Variants in PGGT1B observed in about 807,000 individuals in gnomAD.
PGGT1B encodes the protein geranylgeranyl transferase type-1 subunit beta.
In PGGT1B, 30 loss-of-function variants were observed where a neutral mutation model predicts 46.1. That is an observed-to-expected ratio of 0.65 (90% CI 0.49 to 0.88). The LOEUF is 0.88. PGGT1B is among the 40% of genes least tolerant of loss of function. The pLI is 0.00. For synonymous variants in PGGT1B, 170 were observed against 160.0 expected (o/e 1.06, Z -0.47); for missense variants, 376 against 455.9 (o/e 0.82, Z 1.60).
At chr5:115,262,326 G>T (rs534596536) in intron 1 of PGGT1B, among the ~76,000 whole-genome samples, 32 of 152,158 alleles carry the variant, frequency 2.1e-4, no homozygotes, top group Non-Finnish European at 2.6e-4. Flanking sequence ...AAGAGTTAAT[G>T]ACTTTAGAGA....
intron 3 of PGGT1B, 35 bp from the exon 4 acceptor site, chr5:115,238,044 A>G (rs770096116): frequency 2.8e-6 from 4 of 1,451,402 alleles, no homozygotes; most frequent in Non-Finnish European, 3.8e-6. Context: ...TAATTAATGA[A>G]GTGAAATGAA....
At chr5:115,212,631 C>T in intron 8 of PGGT1B, 48 bp from the exon 9 acceptor site, 18 of 1,289,492 alleles carry the variant, frequency 1.4e-5, no homozygotes, top group Non-Finnish European at 1.8e-5. Flanking sequence ...CTTACTTGTA[C>T]ATTCTACAGA....
chr5:115,235,309 T>C (rs1213355455), intron 5 of PGGT1B, among the ~76,000 whole-genome samples: 1 of 152,026 alleles, frequency 6.6e-6, no homozygotes, highest in African/African-American at 2.4e-5. Context: ...AGAGAAAGTT[T>C]TTTTCAAACA....
At chr5:115,260,965 G>C (rs1466068786) in intron 1 of PGGT1B, among the ~76,000 whole-genome samples, 1 of 152,314 alleles carries the variant, frequency 6.6e-6, no homozygotes, top group Middle Eastern at 3.4e-3. Flanking sequence ...CAGACTTATA[G>C]TGATAGCTGC....
intron 7 of PGGT1B, among the ~76,000 whole-genome samples, chr5:115,218,729 T>C (rs1217167152): frequency 6.6e-6 from 1 of 151,792 alleles, no homozygotes; most frequent in Admixed American, 6.6e-5. Flanking sequence ...AACCTCTTAA[T>C]GCCATAATTG....
chr5:115,212,802 A>G (rs1256672056), intron 8 of PGGT1B, among the ~76,000 whole-genome samples: 1 of 152,168 alleles, frequency 6.6e-6, no homozygotes, highest in African/African-American at 2.4e-5. Flanking sequence ...TGAAAATATC[A>G]TTAACAAAGG....
chr5:115,258,752 A>C (rs1748428359), intron 1 of PGGT1B, among the ~76,000 whole-genome samples: 1 of 152,234 alleles, frequency 6.6e-6, no homozygotes, highest in East Asian at 1.9e-4. Context: ...AGGTACTTCC[A>C]GAATGCCCTC....
intron 3 of PGGT1B, among the ~76,000 whole-genome samples, chr5:115,240,299 G>C (rs1023153637): frequency 1.2e-4 from 19 of 152,108 alleles, no homozygotes; most frequent in African/African-American, 4.1e-4. Context: ...GCAGGCGTTG[G>C]TTGGGGGAAG....
chr5:115,250,252 C>A (rs977801553), intron 2 of PGGT1B, among the ~76,000 whole-genome samples: 6 of 152,058 alleles, frequency 3.9e-5, no homozygotes, highest in African/African-American at 1.4e-4. Flanking sequence ...CTATGAGTTG[C>A]AGAAAGCATA....
intron 3 of PGGT1B, among the ~76,000 whole-genome samples, chr5:115,239,521 T>G (rs76094074): frequency 0.011 from 1,660 of 152,318 alleles, 30 homozygotes; most frequent in African/African-American, 0.038. Flanking sequence ...ATACTTAAAG[T>G]AAATACCTGC....
rs752755508 is a variant in PGGT1B, at chr5:115,206,727, T to C, written c.*5675A>G. 6.6e-6 allele frequency: 1 copy of C among 152,036 alleles called. No homozygotes were observed. Among genetic ancestry groups the C allele is most frequent in the Non-Finnish European group, 1.5e-5 (1 of 67,946 alleles). 9.4% of individuals were successfully genotyped at this position (152,036 alleles called of 1,614,324 possible). ...TCCTTGAAAATGTATCATTGCCTATTTGCATGTTTCTTTATGCTAAATCTA... is the reference window on the plus strand; with the variant it reads ...TCCTTGAAAATGTATCATTGCCTATCTGCATGTTTCTTTATGCTAAATCTA... On this transcript the variant is annotated 3_prime_UTR_variant, in exon 9 of 9. Transcript: ENST00000419445.
chr5:115,233,532 GA>G (rs1402003626), intron 5 of PGGT1B, among the ~76,000 whole-genome samples: 2 of 110,256 alleles, frequency 1.8e-5, no homozygotes, highest in Non-Finnish European at 2.0e-5. Context: ...TTCCTAAAAA[GA>G]AAAAAAAGAA....
At position 115,204,677 on chromosome 5, in the gene PGGT1B, C is replaced by T. The variant is rs1756014892; in HGVS notation, c.*7725G>A. Reference sequence around the variant, plus strand: ...GAATGGCTACACTGTTTCTGGATGGCAATTCTTGGCAGTAACTACCAATAT... The same window carrying T: ...GAATGGCTACACTGTTTCTGGATGGTAATTCTTGGCAGTAACTACCAATAT... On this transcript the variant is annotated 3_prime_UTR_variant, in exon 9 of 9. Transcript: ENST00000419445. The T allele has an allele frequency of 6.6e-6, 1 of 152,098 alleles. No individual in the cohort carries two copies. Among genetic ancestry groups the T allele is most frequent in the East Asian group, 1.9e-4 (1 of 5,200 alleles). 9.4% of individuals were successfully genotyped at this position (152,098 alleles called of 1,614,324 possible).
chr5:115,228,062 A>C (rs1210471254), intron 6 of PGGT1B, among the ~76,000 whole-genome samples: 1 of 152,202 alleles, frequency 6.6e-6, no homozygotes. Context: ...AAAAATCAAT[A>C]AATCTACGTT....
chr5:115,248,137 C>T lies in PGGT1B; in HGVS notation c.259+5000G>A, dbSNP rs541846086. On this transcript the variant is annotated intron_variant, in intron 2 of 8. Transcript: ENST00000419445. ...TATTAAATCTTCTTATCTATGTTTC[C>T]AAACACTTAATCCTAATAATTTATG... is the stretch of plus-strand genomic sequence containing the variant. Among the ~76,000 whole-genome samples the T allele has an allele frequency of 7.9e-5, 12 of 152,088 alleles. No homozygotes were observed. The South Asian group carries it at 1.9e-3, about 24-fold the overall frequency.
rs1266967770 is a variant in PGGT1B, at chr5:115,204,173, C to T, written c.*8229G>A. ...TTTAAAATATAAATTTGCAAATAAT[C>T]AACTGTTTCTACCCAAGCTGCTTTT... On this transcript the variant is annotated 3_prime_UTR_variant, in exon 9 of 9. Transcript: ENST00000419445. 1 of 152,060 alleles carries T rather than the reference C, an allele frequency of 6.6e-6. No individual in the cohort carries two copies. The highest frequency in any genetic ancestry group is 1.9e-4 in the East Asian group (1 of 5,186). 9.4% of individuals were successfully genotyped at this position (152,060 alleles called of 1,614,324 possible). A position where few individuals can be genotyped will look rare whatever the true frequency, so the allele number is the denominator to read the frequency against.
chr5:115,217,451 T>C (rs893220085), intron 7 of PGGT1B, among the ~76,000 whole-genome samples: 4 of 152,198 alleles, frequency 2.6e-5, no homozygotes, highest in Admixed American at 2.6e-4. Context: ...TATAGCTCTT[T>C]AATTAGGAAA....
intron 6 of PGGT1B, among the ~76,000 whole-genome samples, chr5:115,227,753 T>G (rs10434735): frequency 6.6e-6 from 1 of 152,142 alleles, no homozygotes; most frequent in Non-Finnish European, 1.5e-5. Flanking sequence ...TATTCTTTAA[T>G]ACTCATAGTG....
chr5:115,230,805 G>T (rs1300349072), intron 6 of PGGT1B, among the ~76,000 whole-genome samples, 171 bp downstream of exon 6: 2 of 152,004 alleles, frequency 1.3e-5, no homozygotes, highest in African/African-American at 4.8e-5. Context: ...GACCAAAGAG[G>T]CTTCAAATAG....
Sources: allele counts gnomAD v4.1 joint callset (sites outside exome capture counted in the v4.1 genomes callset), GRCh38; gene constraint gnomAD v4.1.1; transcripts MANE v1.5; gene names NCBI Gene and HGNC (gene_info 2026-07-23, HGNC 2026-07-21).